TAS2R1: variants seen among roughly 807,000 people sequenced by gnomAD.
The protein encoded by TAS2R1 is taste 2 receptor member 1, also known as taste receptor type 2 member 1.
For missense variants in TAS2R1, 370 were observed against 353.4 expected (o/e 1.05, Z -0.38); for synonymous variants, 141 against 134.2 (o/e 1.05, Z -0.35).
chr5:9,811,725 T>A, the TAS2R1 span, among the ~76,000 whole-genome samples: 1 of 152,286 alleles, frequency 6.6e-6, no homozygotes, highest in African/African-American at 2.4e-5. Context: ...TTCAGGCCAA[T>A]GAAACCCAGG....
intron 1 of TAS2R1, among the ~76,000 whole-genome samples, chr5:9,664,515 T>A (rs1740594423): frequency 6.6e-6 from 1 of 152,208 alleles, no homozygotes. Context: ...ATTTCCATTT[T>A]CTTTGCTCCT....
intron 1 of TAS2R1, among the ~76,000 whole-genome samples, chr5:9,665,799 T>A (rs1021220229): frequency 3.3e-5 from 5 of 152,198 alleles, no homozygotes; most frequent in Non-Finnish European, 7.4e-5. Flanking sequence ...AGATGTTAAA[T>A]AAATAAAAGT....
chr5:9,767,208 C>T, the TAS2R1 span, among the ~76,000 whole-genome samples: 1 of 152,032 alleles, frequency 6.6e-6, no homozygotes, highest in East Asian at 1.9e-4. Context: ...GGCATGCCCT[C>T]CCCCGCAATC....
chr5:9,693,540 AAAAAAAAAGAG>A (rs1741294407), intron 1 of TAS2R1, among the ~76,000 whole-genome samples: 2 of 150,486 alleles, frequency 1.3e-5, no homozygotes, highest in African/African-American at 4.9e-5. Flanking sequence ...AAAAAAAAAA[AAAAAAAAAGAG>A]AGAGAAAAAG....
In TAS2R1 at chr5:9,702,483, G is replaced by A. The variant is rs114814460; in HGVS notation, c.-242+9689C>T. 5.4e-3 allele frequency among the ~76,000 whole-genome samples: 822 copies of A among 152,216 alleles called. 3 individuals are homozygous for A. The highest frequency in any genetic ancestry group is 0.018 in the African/African-American group (765 of 41,550). On this transcript the variant is annotated intron_variant, in intron 1 of 2. Transcript: ENST00000506620. ...TCTGGTCCAAACTGCCGTTGGTGCC[G>A]AGGGGGAAAATCTATGTAGATCCTT... is the stretch of plus-strand genomic sequence containing the variant.
chr5:9,822,477 G>A, the TAS2R1 span, among the ~76,000 whole-genome samples: 1 of 151,166 alleles, frequency 6.6e-6, no homozygotes, highest in Non-Finnish European at 1.5e-5. Flanking sequence ...AGCCTCCCAA[G>A]TAGCTGGGAC....
At chr5:9,871,535 A>T in the TAS2R1 span, among the ~76,000 whole-genome samples, 1 of 152,194 alleles carries the variant, frequency 6.6e-6, no homozygotes. Context: ...TCGCCAGAGC[A>T]ATCACAGAGT....
intron 2 of TAS2R1, chr5:9,641,516 G>A (rs3213627): frequency 0.19 from 29,552 of 152,066 alleles, 2,910 homozygotes; most frequent in South Asian, 0.22. Flanking sequence ...CTGGAGGATG[G>A]AAAAATAAGA....
intron 1 of TAS2R1, among the ~76,000 whole-genome samples, chr5:9,673,153 T>C (rs919611545): frequency 6.6e-6 from 1 of 152,026 alleles, no homozygotes; most frequent in Admixed American, 6.6e-5. Context: ...GGGTGGATGG[T>C]GGGAGGAGGG....
the TAS2R1 span, among the ~76,000 whole-genome samples, chr5:9,863,792 G>C: frequency 6.6e-6 from 1 of 152,182 alleles, no homozygotes; most frequent in Non-Finnish European, 1.5e-5. Flanking sequence ...GGCATCATTT[G>C]GATAGTGGTG....
the TAS2R1 span, among the ~76,000 whole-genome samples, chr5:9,828,598 T>G: frequency 6.6e-6 from 1 of 152,262 alleles, no homozygotes; most frequent in Non-Finnish European, 1.5e-5. Flanking sequence ...ATTTCCAGAC[T>G]GAATTCATCT....
the TAS2R1 span, among the ~76,000 whole-genome samples, chr5:9,807,753 T>G: frequency 6.6e-6 from 1 of 152,232 alleles, no homozygotes; most frequent in African/African-American, 2.4e-5. Flanking sequence ...ATTGGACTTT[T>G]GGGACTCAAG....
At chr5:9,638,538 G>A (rs1448877617) in intron 2 of TAS2R1, among the ~76,000 whole-genome samples, 1 of 152,186 alleles carries the variant, frequency 6.6e-6, no homozygotes, top group African/African-American at 2.4e-5. Context: ...TTGCTTTAAT[G>A]ACCTGAGTTG....
At chr5:9,784,919 T>G in the TAS2R1 span, among the ~76,000 whole-genome samples, 1 of 152,222 alleles carries the variant, frequency 6.6e-6, no homozygotes, top group Non-Finnish European at 1.5e-5. Context: ...AGACTGTTTA[T>G]AAATAACATC....
chr5:9,871,650 ATGCATAAAAAGG>A, the TAS2R1 span, among the ~76,000 whole-genome samples: 27 of 152,312 alleles, frequency 1.8e-4, no homozygotes, highest in East Asian at 9.7e-4. Flanking sequence ...TTCTCTCTTC[ATGCATAAAAAGG>A]TGCCATCTGA....
chr5:9,642,468 T>A (rs896440843), intron 2 of TAS2R1, among the ~76,000 whole-genome samples: 17 of 152,188 alleles, frequency 1.1e-4, no homozygotes, highest in Non-Finnish European at 2.2e-4. Flanking sequence ...ATTTGGAATT[T>A]ATTTCATTTA....
At chr5:9,676,909 T>C (rs1005779444) in intron 1 of TAS2R1, among the ~76,000 whole-genome samples, 1 of 152,144 alleles carries the variant, frequency 6.6e-6, no homozygotes, top group Non-Finnish European at 1.5e-5. Context: ...TACTGGGTTT[T>C]TACCCAAAGA....
the TAS2R1 span, among the ~76,000 whole-genome samples, chr5:9,774,369 T>C: frequency 6.6e-6 from 1 of 152,252 alleles, no homozygotes; most frequent in Admixed American, 6.5e-5. Flanking sequence ...AAAACAGCTA[T>C]TTTGAATTCT....
the TAS2R1 span, among the ~76,000 whole-genome samples, chr5:9,741,946 A>G: frequency 6.6e-6 from 1 of 152,186 alleles, no homozygotes; most frequent in Non-Finnish European, 1.5e-5. Flanking sequence ...CCCAGGCTGC[A>G]GTGCAATGGC....
Sources: gnomAD v4.1 joint callset for allele counts (sites outside exome capture counted in the v4.1 genomes callset) on GRCh38, gnomAD v4.1.1 for gene constraint, MANE v1.5 for transcripts, NCBI Gene and HGNC (gene_info 2026-07-23, HGNC 2026-07-21) for gene names.